CHRM3: variants seen among roughly 807,000 people sequenced by gnomAD.
CHRM3 encodes muscarinic acetylcholine receptor M3.
In CHRM3, 11 loss-of-function variants were observed where a neutral mutation model predicts 41.8. That is an observed-to-expected ratio of 0.26 (90% CI 0.17 to 0.44). CHRM3 has a LOEUF of 0.44. Among genes scored for constraint, CHRM3 ranks in the 20% least tolerant of loss-of-function variants. The pLI, the probability that CHRM3 is intolerant of heterozygous loss-of-function variation, is 1.00. For synonymous variants in CHRM3, 297 were observed against 301.4 expected, an observed-to-expected ratio of 0.99 and a Z score of 0.15; for missense variants, 571 against 745.4, an observed-to-expected ratio of 0.77 and a Z score of 2.72.
chr1:239,545,880 T>C (rs1659238987), intron 3 of CHRM3, 131 bp downstream of exon 3: 1 of 152,182 alleles, frequency 6.6e-6, no homozygotes, highest in South Asian at 2.1e-4. Context: ...TGGCTAGATC[T>C]AGTCTATTTC....
At chr1:239,793,625 T>C (rs1669515402) in intron 5 of CHRM3, among the ~76,000 whole-genome samples, 1 of 152,102 alleles carries the variant, frequency 6.6e-6, no homozygotes, top group Non-Finnish European at 1.5e-5. Flanking sequence ...TTTTCTTCTT[T>C]TCCTCTTGAG....
chr1:239,471,762 C>T (rs1175595739), intron 1 of CHRM3, among the ~76,000 whole-genome samples: 4 of 152,162 alleles, frequency 2.6e-5, no homozygotes, highest in Admixed American at 6.5e-5. Context: ...TTTGAGAGCA[C>T]GGCTGTGCAG....
intron 5 of CHRM3, among the ~76,000 whole-genome samples, chr1:239,697,334 A>G (rs996342116): frequency 6.6e-6 from 1 of 152,134 alleles, no homozygotes; most frequent in Non-Finnish European, 1.5e-5. Flanking sequence ...GCTGCTATCC[A>G]TGCCACGTGA....
At chr1:239,799,427 G>A (rs1040913915) in intron 5 of CHRM3, among the ~76,000 whole-genome samples, 6 of 152,078 alleles carry the variant, frequency 3.9e-5, no homozygotes, top group African/African-American at 9.7e-5. Flanking sequence ...GGGCAGGATC[G>A]AACACGCTGT....
At chr1:239,823,399 G>T (rs1244496920) in intron 5 of CHRM3, among the ~76,000 whole-genome samples, 1 of 152,040 alleles carries the variant, frequency 6.6e-6, no homozygotes, top group Non-Finnish European at 1.5e-5. Context: ...CAGTTGACAA[G>T]CCAATTATGA....
At chr1:239,906,109 A>G (rs529340450) in intron 6 of CHRM3, among the ~76,000 whole-genome samples, 1 of 152,302 alleles carries the variant, frequency 6.6e-6, no homozygotes, top group African/African-American at 2.4e-5. Flanking sequence ...TAAGTAGTCA[A>G]ACAGATTTGA....
intron 2 of CHRM3, among the ~76,000 whole-genome samples, chr1:239,515,275 T>A (rs969623123): frequency 3.3e-5 from 5 of 150,622 alleles, no homozygotes; most frequent in African/African-American, 1.2e-4. Flanking sequence ...GCATGTGGCT[T>A]ATAAATGTTA....
chr1:239,693,534 G>T (rs7552453), intron 5 of CHRM3, among the ~76,000 whole-genome samples: 65,002 of 151,948 alleles, frequency 0.43, 14,065 homozygotes, highest in Middle Eastern at 0.52. Context: ...GTGGCATTTT[G>T]TTATGGCAGC....
chr1:239,426,466 C>T lies in CHRM3; in HGVS notation c.-521+39239C>T, dbSNP rs376281168. Among the ~76,000 whole-genome samples, 89 of 116,544 alleles carry T rather than the reference C, an allele frequency of 7.6e-4. 1 individual carries two copies. The East Asian group carries it at 0.016, about 21-fold the overall frequency. 76.5% of individuals were successfully genotyped at this position (116,544 alleles called of 152,430 possible). On this transcript the variant is annotated intron_variant, in intron 1 of 6. Transcript: ENST00000676153. ...GCACGCCATTGCTTCGAACTCACCC[C>T]GCAAAAAAAAAAAAAAAAAGAAAGA...
chr1:239,666,244 G>A (rs1042308394), intron 4 of CHRM3, among the ~76,000 whole-genome samples: 2 of 151,696 alleles, frequency 1.3e-5, no homozygotes, highest in African/African-American at 4.8e-5. Context: ...ACCCAGGCTG[G>A]AGTGCAGTGG....
chr1:239,719,912 T>C (rs571335321), intron 5 of CHRM3, among the ~76,000 whole-genome samples: 5 of 151,978 alleles, frequency 3.3e-5, no homozygotes, highest in Admixed American at 6.6e-5. Flanking sequence ...GATCTGTGTG[T>C]ATTTCCACAA....
intron 1 of CHRM3, among the ~76,000 whole-genome samples, chr1:239,429,783 GT>G (rs58638166): frequency 0.24 from 31,537 of 132,698 alleles, 3,608 homozygotes; most frequent in Non-Finnish European, 0.28. Context: ...CTCGTAGGGA[GT>G]TTTTTTTTTT....
intron 6 of CHRM3, among the ~76,000 whole-genome samples, chr1:239,870,919 A>G (rs1293917949): frequency 6.6e-6 from 1 of 152,128 alleles, no homozygotes; most frequent in African/African-American, 2.4e-5. Context: ...ACTAGCAGGG[A>G]TTAAAAAAAC....
At chr1:239,534,745 C>A (rs1658031153) in intron 2 of CHRM3, among the ~76,000 whole-genome samples, 1 of 152,148 alleles carries the variant, frequency 6.6e-6, no homozygotes, top group African/African-American at 2.4e-5. Context: ...AAGATTAAAT[C>A]ATAAGATTCA....
chr1:239,543,341 T>A (rs1038495341), intron 2 of CHRM3, among the ~76,000 whole-genome samples: 2 of 152,054 alleles, frequency 1.3e-5, no homozygotes, highest in Non-Finnish European at 2.9e-5. Context: ...TACCCTGCCC[T>A]ACTCAAGATG....
intron 5 of CHRM3, among the ~76,000 whole-genome samples, chr1:239,768,452 C>A (rs1031403071): frequency 6.6e-6 from 1 of 151,526 alleles, no homozygotes; most frequent in Non-Finnish European, 1.5e-5. Context: ...AAATGAATGA[C>A]GCAGCACTTA....
intron 2 of CHRM3, among the ~76,000 whole-genome samples, chr1:239,517,082 T>G (rs1341056450): frequency 6.6e-6 from 1 of 152,164 alleles, no homozygotes; most frequent in African/African-American, 2.4e-5. Context: ...AAGTACACAA[T>G]AAATGTAATG....
chr1:239,651,939 T>C (rs889223694), intron 4 of CHRM3, among the ~76,000 whole-genome samples: 1 of 151,414 alleles, frequency 6.6e-6, no homozygotes, highest in Non-Finnish European at 1.5e-5. Context: ...CCCTGGCCTC[T>C]TAAGTATGGC....
intron 3 of CHRM3, among the ~76,000 whole-genome samples, chr1:239,584,108 CTT>C (rs769127124): frequency 1.2e-3 from 150 of 124,384 alleles, no homozygotes; most frequent in African/African-American, 3.3e-3. Context: ...TCTTCTTCTT[CTT>C]TTTTTTTTTT....
Sources: allele counts gnomAD v4.1 joint callset (sites outside exome capture counted in the v4.1 genomes callset), GRCh38; gene constraint gnomAD v4.1.1; transcripts MANE v1.5; gene names NCBI Gene and HGNC (gene_info 2026-07-23, HGNC 2026-07-21).